DNAH12: variants seen among roughly 807,000 people sequenced by gnomAD.
The protein encoded by DNAH12 is dynein axonemal heavy chain 12, also known as axonemal beta dynein heavy chain 12.
Under a neutral mutation model 371.5 loss-of-function variants are expected in DNAH12, and 285 were observed. That is an observed-to-expected ratio of 0.77 (90% CI 0.70 to 0.85). The LOEUF (loss-of-function observed/expected upper bound fraction) is 0.85, where lower values mean the gene tolerates loss of function less well. DNAH12 is among the 40% of genes least tolerant of loss of function. DNAH12 has a pLI of 0.00. For missense variants in DNAH12, 3,611 were observed against 3,689.4 expected (o/e 0.98, Z 0.55); for synonymous variants, 1,200 against 1,213.0 (o/e 0.99, Z 0.22).
chr3:57,413,725 CTT>C lies in DNAH12; in HGVS notation c.6020+19_6020+20del. ...AAACTGAGGTATAACTTCAGCATAACTTATCGAATTAAATAGTTACCAATGTC... is the reference window on the plus strand; with the variant it reads ...AAACTGAGGTATAACTTCAGCATAACATCGAATTAAATAGTTACCAATGTC... On this transcript the variant is annotated intron_variant, in intron 39 of 73. Coordinates refer to ENST00000495027, the MANE Select transcript of DNAH12 (RefSeq NM_001366028.2). 2 of 1,544,172 alleles carry C rather than the reference CTT, an allele frequency of 1.3e-6. No homozygotes were observed. Among genetic ancestry groups the C allele is most frequent in the East Asian group, 2.5e-5 (1 of 40,770 alleles).
At chr3:57,349,771 C>T (rs1337311197) in intron 60 of DNAH12, among the ~76,000 whole-genome samples, 1 of 152,194 alleles carries the variant, frequency 6.6e-6, no homozygotes, top group Non-Finnish European at 1.5e-5. Flanking sequence ...CTCACTGCAA[C>T]CTTTGCCTCC....
At chr3:57,410,242 C>T (rs781839778) in intron 39 of DNAH12, among the ~76,000 whole-genome samples, 1 of 152,054 alleles carries the variant, frequency 6.6e-6, no homozygotes, top group South Asian at 2.1e-4. Context: ...ATTTTTCCAA[C>T]AGCATTTGCT....
chr3:57,383,128 T>C (rs1193832011), intron 49 of DNAH12, among the ~76,000 whole-genome samples: 1 of 152,184 alleles, frequency 6.6e-6, no homozygotes, highest in Non-Finnish European at 1.5e-5. Flanking sequence ...GCTGCTCTAG[T>C]AGACCATTTC....
At chr3:57,552,361 C>T in the DNAH12 span, among the ~76,000 whole-genome samples, 30 of 152,040 alleles carry the variant, frequency 2.0e-4, no homozygotes, top group Non-Finnish European at 3.1e-4. Flanking sequence ...TCAGCCAATG[C>T]GGACAATTTA....
chr3:57,513,438 A>T (rs367939305), intron 4 of DNAH12, among the ~76,000 whole-genome samples: 1 of 152,192 alleles, frequency 6.6e-6, no homozygotes, highest in African/African-American at 2.4e-5. Flanking sequence ...TGGCACACGT[A>T]TACCTATGTA....
chr3:57,425,028 C>G lies in DNAH12; in HGVS notation c.5367G>C (p.Trp1789Cys). The G allele has an allele frequency of 1.4e-6, 1 of 701,568 alleles. No homozygotes were observed. The highest frequency in any genetic ancestry group is 2.6e-6 in the Non-Finnish European group (1 of 384,584). The allele number at this position is 701,568 out of a possible 1,614,324, so 43.5% of individuals were successfully genotyped here. Residue 1789 changes from tryptophan to cysteine, a missense_variant, in exon 35 of 74, where the codon TGG becomes TGC. By Grantham distance (215) the Trp-to-Cys change is radical. Around this residue, in one of 3 missense-constraint regions of DNAH12, gnomAD observed 2,266 missense variants for 2,236.9 expected, o/e 1.01. Transcript: ENST00000495027. The stretch of plus-strand genomic sequence containing the variant: ...CATGAAGTATAAAACCAACCATAAT[C>G]CAAACACGAATGTGCTTGCTAGTAG... The part of the protein sequence containing the change: ...NDPTSKHIRV[W>C]IMACFIFSLI...
chr3:57,347,400 G>C (rs1327042053), intron 60 of DNAH12, among the ~76,000 whole-genome samples: 1 of 152,040 alleles, frequency 6.6e-6, no homozygotes, highest in African/African-American at 2.4e-5. Context: ...AAAACCATAT[G>C]ATCCTATCAA....
At chr3:57,361,457 T>TAC (rs2062932727) in intron 58 of DNAH12, among the ~76,000 whole-genome samples, 2 of 141,560 alleles carry the variant, frequency 1.4e-5, no homozygotes, top group Admixed American at 1.4e-4. Flanking sequence ...TATATATATA[T>TAC]ATATATATAT....
intron 65 of DNAH12, among the ~76,000 whole-genome samples, chr3:57,318,309 T>C (rs1419016262): frequency 1.3e-5 from 2 of 152,208 alleles, no homozygotes; most frequent in African/African-American, 4.8e-5. Flanking sequence ...TGTAAGTCTT[T>C]AATCCATTTT....
chr3:57,413,596 C>T (rs771743360), intron 39 of DNAH12, 150 bp downstream of exon 39: 15 of 866,582 alleles, frequency 1.7e-5, no homozygotes, highest in African/African-American at 1.2e-4. Context: ...ATAGTCTTTT[C>T]GAAATATATT....
Position 57,461,421 on chromosome 3 carries a change from A to G in DNAH12, c.2736+68T>C, listed in dbSNP as rs1360659650. On this transcript the variant is annotated intron_variant, in intron 19 of 73. Transcript: ENST00000495027. The stretch of plus-strand genomic sequence containing the variant: ...ATCCAATAAGCTACTTATTACCATG[A>G]GAGCGTATATGTAATAGGATTGCAA... 11 of 1,431,286 alleles carry G rather than the reference A, an allele frequency of 7.7e-6. No homozygotes were observed. In the African/African-American group the frequency reaches 9.9e-5, roughly 13 times the overall value. 88.7% of individuals were successfully genotyped at this position (1,431,286 alleles called of 1,614,324 possible).
chr3:57,401,642 A>G (rs1019253326), intron 43 of DNAH12, among the ~76,000 whole-genome samples: 5 of 151,782 alleles, frequency 3.3e-5, no homozygotes, highest in Non-Finnish European at 5.9e-5. Context: ...TCAAGGAACT[A>G]GAAAAAGAAG....
intron 10 of DNAH12, 76 bp from the exon 11 acceptor site, chr3:57,501,488 G>T: frequency 2.0e-6 from 2 of 980,092 alleles, no homozygotes; most frequent in Non-Finnish European, 3.0e-6. Context: ...ATATGATCAT[G>T]GAATGGGGAC....
intron 4 of DNAH12, among the ~76,000 whole-genome samples, chr3:57,518,512 C>A (rs1027710865): frequency 5.3e-5 from 8 of 150,156 alleles, no homozygotes; most frequent in African/African-American, 2.0e-4. Context: ...GGTGACAGAG[C>A]AAGACTACTC....
At chr3:57,481,884 C>A (rs112288214) in intron 13 of DNAH12, among the ~76,000 whole-genome samples, 1 of 151,840 alleles carries the variant, frequency 6.6e-6, no homozygotes. Context: ...CAAGCTGAAA[C>A]TGGATCCCTT....
intron 69 of DNAH12, among the ~76,000 whole-genome samples, chr3:57,304,386 G>A (rs1200461498): frequency 6.6e-6 from 1 of 152,134 alleles, no homozygotes; most frequent in East Asian, 1.9e-4. Context: ...CCAGCCCAAG[G>A]AATATCTCAC....
chr3:57,508,675 T>C, intron 6 of DNAH12, 135 bp from the exon 7 acceptor site: 2 of 943,206 alleles, frequency 2.1e-6, no homozygotes, highest in East Asian at 2.8e-5. Flanking sequence ...TGGTCAGCAA[T>C]GGGAACCTTA....
rs780676295 is a variant in DNAH12 at position 57,314,606 on chromosome 3, A to G, written c.10550T>C (p.Val3517Ala). The G allele has an allele frequency of 6.5e-7, 1 of 1,549,332 alleles. No homozygotes were observed. Among genetic ancestry groups the G allele is most frequent in the South Asian group, 1.2e-5 (1 of 83,224 alleles). ...ELAWEKLLFG[V>A]CFFHALVQER... ...TTGCACAAGGGCATGAAAAAAACAA[A>G]CTCCAAACAGTAACTTCTCCCAGGC... The change falls in exon 66 of 74, where the codon GTT becomes GCT. Residue 3517 changes from valine (V) to alanine (A), a missense_variant. Physicochemically the swap from Val to Ala is moderately conservative, Grantham distance 64. Transcript: ENST00000495027.
chr3:57,502,227 T>C lies in DNAH12; in HGVS notation c.1243+96A>G, dbSNP rs2067576230. ...TATGCTCACTTCTGGCTCTCCCTGT[T>C]CTTTCATGGCAGCCCCAGACAAACA... On this transcript the variant is annotated intron_variant, in intron 10 of 73. Transcript: ENST00000495027. The C allele has an allele frequency of 3.3e-6, 5 of 1,507,490 alleles. No homozygotes were observed. The Admixed American group carries it at 8.8e-5, about 26-fold the overall frequency. 93.4% of individuals were successfully genotyped at this position (1,507,490 alleles called of 1,614,324 possible).
Sources: gnomAD v4.1 joint callset for allele counts (sites outside exome capture counted in the v4.1 genomes callset) on GRCh38, gnomAD v4.1.1 for gene constraint, gnomAD v4.1.1 regional missense constraint, MANE v1.5 for transcripts, NCBI Gene and HGNC (gene_info 2026-07-23, HGNC 2026-07-21) for gene names.